Variants in SEMA3B observed in about 807,000 individuals in gnomAD.
The protein encoded by SEMA3B is semaphorin 3B.
SEMA3B carries 71 observed loss-of-function variants against 77.8 expected under a neutral mutation model. That is an observed-to-expected ratio of 0.91 (90% CI 0.75 to 1.11). The LOEUF (loss-of-function observed/expected upper bound fraction) is 1.11, where lower values mean the gene tolerates loss of function less well. Among genes scored for constraint, SEMA3B ranks in the 50% most tolerant of loss-of-function variants. SEMA3B has a pLI of 0.00. For missense variants in SEMA3B, 968 were observed against 1,056.8 expected (o/e 0.92, Z 1.17); for synonymous variants, 470 against 452.9 (o/e 1.04, Z -0.48).
chr3:50,274,708 T>G lies in SEMA3B; in HGVS notation c.1357+126T>G. ...GGCTGTGTCTCCACCCTGTGGATGC[T>G]GCCCAACCCACACTCTTCCAGTCCA... On this transcript the variant is annotated intron_variant, in intron 11 of 16. Coordinates refer to ENST00000616701, the MANE Select transcript of SEMA3B (RefSeq NM_001290060.2). This position sits in a 1 kb window ranked among gnomAD's most constrained non-coding sequence, Gnocchi z 4.7. The G allele has an allele frequency of 7.2e-7, 1 of 1,383,048 alleles. No individual in the cohort carries two copies. Among genetic ancestry groups the G allele is most frequent in the South Asian group, 1.3e-5 (1 of 75,148 alleles). The allele number at this position is 1,383,048 out of a possible 1,614,324, so 85.7% of individuals were successfully genotyped here. A position where few individuals can be genotyped will look rare whatever the true frequency, so the allele number is the denominator to read the frequency against.
At position 50,275,618 on chromosome 3, in the gene SEMA3B, G is replaced by A. The variant is rs782015210; in HGVS notation, c.1705+3G>A. 3 of 1,613,604 alleles carry A rather than the reference G, an allele frequency of 1.9e-6. No individual in the cohort carries two copies. In the African/African-American group the frequency reaches 4.0e-5, roughly 22 times the overall value. ...CCCCAGCACGTTGTGCTCCGGAGGT[G>A]AGTGCCCCAGCTGCCCCTACCCTCA... On this transcript the variant is annotated splice_donor_region_variant and intron_variant, in intron 15 of 16. Transcript: ENST00000616701. The surrounding 1 kb of genome is among the most constrained non-coding windows in gnomAD (Gnocchi z 7.5).
In SEMA3B at chr3:50,270,529, G is replaced by A; in HGVS notation, c.330+34G>A. 1.2e-6 allele frequency: 2 copies of A among 1,612,900 alleles called. No individual in the cohort carries two copies. Among genetic ancestry groups the A allele is most frequent in the Non-Finnish European group, 1.7e-6 (2 of 1,179,724 alleles). On this transcript the variant is annotated intron_variant, in intron 3 of 16. Transcript: ENST00000616701. This position sits in a 1 kb window ranked among gnomAD's most constrained non-coding sequence, Gnocchi z 4.7. ...CAGCTGCCCGGGCCGGGAGTGGGGA[G>A]GGTCAGCCCCTCACCCCAGAGACAG...
At position 50,274,662 on chromosome 3, in the gene SEMA3B, C is replaced by T. The variant is rs1032117212; in HGVS notation, c.1357+80C>T. 2.0e-6 allele frequency: 3 copies of T among 1,469,870 alleles called. No homozygotes were observed. The African/African-American group carries it at 4.2e-5, about 21-fold the overall frequency. The allele number at this position is 1,469,870 out of a possible 1,614,324, so 91.1% of individuals were successfully genotyped here. A position where few individuals can be genotyped will look rare whatever the true frequency, so the allele number is the denominator to read the frequency against. On this transcript the variant is annotated intron_variant, in intron 11 of 16. Coordinates refer to ENST00000616701, the MANE Select transcript of SEMA3B (RefSeq NM_001290060.2). This position sits in a 1 kb window ranked among gnomAD's most constrained non-coding sequence, Gnocchi z 4.7. ...TGATGGAAGCTCTCCCTGTTCAGTC[C>T]CATCTCCACATCCTTTCCTGGGCTG...
upstream of SEMA3B, among the ~76,000 whole-genome samples, chr3:50,265,537 G>A (rs1312280530): frequency 2.0e-5 from 3 of 152,234 alleles, no homozygotes; most frequent in African/African-American, 4.8e-5. Flanking sequence ...AGCCAAGGCC[G>A]TGGTAGGCCA....
chr3:50,271,062 T>A, intron 4 of SEMA3B, 26 bp from the exon 5 acceptor site: 1 of 1,576,370 alleles, frequency 6.3e-7, no homozygotes, highest in Non-Finnish European at 8.6e-7. Flanking sequence ...AAGGGCCTGG[T>A]AGTCACAACT....
chr3:50,268,217 C>T (rs1422826075), upstream of SEMA3B, among the ~76,000 whole-genome samples: 1 of 152,202 alleles, frequency 6.6e-6, no homozygotes, highest in African/African-American at 2.4e-5. Flanking sequence ...AGCCCTCAAG[C>T]TCAAATGCAG....
chr3:50,269,447 C>T lies in SEMA3B; in HGVS notation c.109+98C>T, dbSNP rs587697850. ...TCTGTGTTGGCTGTTGCCCCATGTG[C>T]GTGCCTGTCACCAGACTCTGGTAGG... On this transcript the variant is annotated intron_variant, in intron 1 of 16. Transcript: ENST00000616701. This position sits in a 1 kb window ranked among gnomAD's most constrained non-coding sequence, Gnocchi z 4.0. The T allele has an allele frequency of 7.0e-6, 5 of 718,620 alleles. No individual in the cohort carries two copies. The highest frequency in any genetic ancestry group is 3.8e-5 in the South Asian group (2 of 52,710). The allele number at this position is 718,620 out of a possible 1,614,324, so 44.5% of individuals were successfully genotyped here.
In SEMA3B at chr3:50,275,166, G is replaced by T. The variant is rs1701189504; in HGVS notation, c.1491+113G>T. 5 of 1,465,238 alleles carry T rather than the reference G, an allele frequency of 3.4e-6. No individual in the cohort carries two copies. The Admixed American group carries it at 1.0e-4, about 30-fold the overall frequency. 90.8% of individuals were successfully genotyped at this position (1,465,238 alleles called of 1,614,324 possible). On this transcript the variant is annotated intron_variant, in intron 13 of 16. Coordinates refer to ENST00000616701, the MANE Select transcript of SEMA3B (RefSeq NM_001290060.2). The surrounding 1 kb of genome is among the most constrained non-coding windows in gnomAD (Gnocchi z 7.5). ...AGTCCCGGGTTTGAGTACAGGCTCT[G>T]GCTTTGTTAGACTGTGTGACCTGAG...
upstream of SEMA3B, chr3:50,263,138 A>G (rs1700853669): frequency 6.6e-6 from 1 of 152,228 alleles, no homozygotes; most frequent in Admixed American, 6.5e-5. Context: ...TCTTGGCAAC[A>G]AAAGAGCTAA....
In SEMA3B at chr3:50,273,181, T is replaced by C; in HGVS notation, c.665-117T>C. ...GGACATGGTGCTAGAGGTTGGGTGG[T>C]CAGACACTGTGATCCCGGGTGCTGT... On this transcript the variant is annotated intron_variant, in intron 6 of 16. Coordinates refer to ENST00000616701, the MANE Select transcript of SEMA3B (RefSeq NM_001290060.2). This position sits in a 1 kb window ranked among gnomAD's most constrained non-coding sequence, Gnocchi z 6.5. 7.0e-7 allele frequency: 1 copy of C among 1,432,440 alleles called. No individual in the cohort carries two copies. The highest frequency in any genetic ancestry group is 9.4e-7 in the Non-Finnish European group (1 of 1,068,016). The allele number at this position is 1,432,440 out of a possible 1,614,324, so 88.7% of individuals were successfully genotyped here.
At position 50,273,359 on chromosome 3, in the gene SEMA3B, C is replaced by T; in HGVS notation, c.726C>T (p.Ile242=). ...GCGAGAACCCAGACGACGACAAAAT[C>T]TACTTCTTCTTTCGTGAGACGGCGG... The part of the protein sequence containing the change: ...PESENPDDDK[I]YFFFRETAVE... Residue 242 remains isoleucine, a synonymous_variant, in exon 7 of 17, where the codon ATC becomes ATT. Coordinates refer to ENST00000616701, the MANE Select transcript of SEMA3B (RefSeq NM_001290060.2). The surrounding 1 kb of genome is among the most constrained non-coding windows in gnomAD (Gnocchi z 6.5). The T allele has an allele frequency of 6.2e-7, 1 of 1,614,010 alleles. No homozygotes were observed. Among genetic ancestry groups the T allele is most frequent in the South Asian group, 1.1e-5 (1 of 91,090 alleles).
At position 50,273,295 on chromosome 3, in the gene SEMA3B, C is replaced by G. The variant is rs1553705714; in HGVS notation, c.665-3C>G. ...GCTGACCCATGCCTCCTGCCGCGGT[C>G]AGAGCCCAAGTTTGTCAAGGTATTT... On this transcript the variant is annotated splice_region_variant and splice_polypyrimidine_tract_variant and intron_variant, in intron 6 of 16. Transcript: ENST00000616701. The surrounding 1 kb of genome is among the most constrained non-coding windows in gnomAD (Gnocchi z 6.5). 1 of 1,612,956 alleles carries G rather than the reference C, an allele frequency of 6.2e-7. No homozygotes were observed. The highest frequency in any genetic ancestry group is 8.5e-7 in the Non-Finnish European group (1 of 1,179,374).
intron 6 of SEMA3B, among the ~76,000 whole-genome samples, chr3:50,272,817 G>C (rs1701087931): frequency 6.8e-6 from 1 of 146,860 alleles, no homozygotes; most frequent in Non-Finnish European, 1.5e-5. Flanking sequence ...CAGCCTGGGC[G>C]ACAGAGCGAG....
In SEMA3B at chr3:50,276,718, C is replaced by T. The variant is rs1227864987; in HGVS notation, c.*12C>T. 3 of 1,483,344 alleles carry T rather than the reference C, an allele frequency of 2.0e-6. No homozygotes were observed. Among genetic ancestry groups the T allele is most frequent in the South Asian group, 1.4e-5 (1 of 73,358 alleles). 91.9% of individuals were successfully genotyped at this position (1,483,344 alleles called of 1,614,324 possible). A position where few individuals can be genotyped will look rare whatever the true frequency, so the allele number is the denominator to read the frequency against. ...CAACGCACTGGTGACCAGACTGTCCCCACGCCGGGAACCAAGCAGGAGACG... is the reference window on the plus strand; with the variant it reads ...CAACGCACTGGTGACCAGACTGTCCTCACGCCGGGAACCAAGCAGGAGACG... On this transcript the variant is annotated 3_prime_UTR_variant, in exon 17 of 17. Coordinates refer to ENST00000616701, the MANE Select transcript of SEMA3B (RefSeq NM_001290060.2). This position sits in a 1 kb window ranked among gnomAD's most constrained non-coding sequence, Gnocchi z 5.8.
rs140793882 is a variant in SEMA3B, at chr3:50,271,172, G to A, written c.535G>A (p.Val179Met). Reference protein sequence around the residue: ...PYDPRHRAASVLVGEELYSGV... With the variant: ...PYDPRHRAASMLVGEELYSGV... ...TGACCCCAGGCATCGGGCTGCCTCC[G>A]TGCTGGTGGGTGAGTCCAAGGGCTA... Residue 179 changes from valine (V) to methionine (M), a missense_variant, in exon 5 of 17, where the codon GTG becomes ATG. Coordinates refer to ENST00000616701, the MANE Select transcript of SEMA3B (RefSeq NM_001290060.2). 427 of 1,570,814 alleles carry A rather than the reference G, an allele frequency of 2.7e-4. No individual in the cohort carries two copies. In the African/African-American group the frequency reaches 4.0e-3, roughly 15 times the overall value.
At position 50,269,406 on chromosome 3, in the gene SEMA3B, C is replaced by T. The variant is rs1380251377; in HGVS notation, c.109+57C>T. On this transcript the variant is annotated intron_variant, in intron 1 of 16. Transcript: ENST00000616701. This position sits in a 1 kb window ranked among gnomAD's most constrained non-coding sequence, Gnocchi z 4.0. ...CTTGAGGTGGGCAGGAAAGGGTCCC[C>T]GTATGGCCAGGGGGCTCTGTGTTGG... The T allele has an allele frequency of 1.8e-5, 19 of 1,061,736 alleles. No homozygotes were observed. Among genetic ancestry groups the T allele is most frequent in the African/African-American group, 3.2e-5 (2 of 62,216 alleles). The allele number at this position is 1,061,736 out of a possible 1,614,324, so 65.8% of individuals were successfully genotyped here. A position where few individuals can be genotyped will look rare whatever the true frequency, so the allele number is the denominator to read the frequency against.
At position 50,275,506 on chromosome 3, in the gene SEMA3B, T is replaced by C; in HGVS notation, c.1649+47T>C. On this transcript the variant is annotated intron_variant, in intron 14 of 16. Coordinates refer to ENST00000616701, the MANE Select transcript of SEMA3B (RefSeq NM_001290060.2). This position sits in a 1 kb window ranked among gnomAD's most constrained non-coding sequence, Gnocchi z 7.5. ...CCGCCGGGAGGGAGGCGAAGGGTCT[T>C]TCACTGCCCGGGGCTGAAAGAAGGG... The C allele has an allele frequency of 1.9e-6, 3 of 1,612,494 alleles. No individual in the cohort carries two copies. Among genetic ancestry groups the C allele is most frequent in the Non-Finnish European group, 2.5e-6 (3 of 1,179,166 alleles).
rs782484617 is a variant in SEMA3B at position 50,273,855 on chromosome 3, C to G, written c.992+27C>G. 2 of 1,563,194 alleles carry G rather than the reference C, an allele frequency of 1.3e-6. No homozygotes were observed. The highest frequency in any genetic ancestry group is 1.7e-6 in the Non-Finnish European group (2 of 1,152,866). On this transcript the variant is annotated intron_variant, in intron 9 of 16. Transcript: ENST00000616701. The surrounding 1 kb of genome is among the most constrained non-coding windows in gnomAD (Gnocchi z 6.5). ...TGAGGGGCAGGAGGTAGGGAGCGCCCGGGGCGGGCCGCTGGGCTCCACCCG... is the reference window on the plus strand; with the variant it reads ...TGAGGGGCAGGAGGTAGGGAGCGCCGGGGGCGGGCCGCTGGGCTCCACCCG...
chr3:50,263,402 G>C (rs1553704142), upstream of SEMA3B: 2 of 151,396 alleles, frequency 1.3e-5, no homozygotes, highest in Non-Finnish European at 2.9e-5. Context: ...GGGAGGCTGA[G>C]GTGGGGGGAT....
Sources: allele counts gnomAD v4.1 joint callset (sites outside exome capture counted in the v4.1 genomes callset), GRCh38; gene constraint gnomAD v4.1.1; non-coding constraint Gnocchi (gnomAD v3.1); transcripts MANE v1.5; gene names NCBI Gene and HGNC (gene_info 2026-07-23, HGNC 2026-07-21).